The following MDN1 variants were observed in gnomAD, a reference collection of about 807,000 sequenced individuals.
MDN1 encodes the protein midasin.
Under a neutral mutation model 669.2 loss-of-function variants are expected in MDN1, and 266 were observed. The ratio of observed to expected loss-of-function variants is 0.40; its 90% confidence interval spans 0.36 to 0.44. The LOEUF (loss-of-function observed/expected upper bound fraction) is 0.44, where lower values mean the gene tolerates loss of function less well. Ranked by LOEUF, MDN1 falls within the 20% of genes least tolerant of loss-of-function variation. The pLI is 1.00. For missense variants in MDN1, 5,940 were observed against 6,754.0 expected (o/e 0.88, Z 4.22); for synonymous variants, 2,385 against 2,457.1 (o/e 0.97, Z 0.87).
Position 89,654,289 on chromosome 6 carries a change from T to C in MDN1, c.15536A>G (p.Lys5179Arg). 2 of 1,614,238 alleles carry C rather than the reference T, an allele frequency of 1.2e-6. No homozygotes were observed. Among genetic ancestry groups the C allele is most frequent in the Non-Finnish European group, 1.7e-6 (2 of 1,180,036 alleles). ...EQQQSAKDSG[K>R]DQEEEEIEDT... Reference sequence around the variant, plus strand: ...CTCTATCTCCTCCTCTTCCTGATCTTTGCCAGAGTCTTTTGCAGACTGTTG... The same window carrying C: ...CTCTATCTCCTCCTCTTCCTGATCTCTGCCAGAGTCTTTTGCAGACTGTTG... Residue 5179 changes from lysine (K) to arginine (R), a missense_variant, in exon 93 of 102, where the codon AAA becomes AGA. Physicochemically the swap from Lys to Arg is conservative, Grantham distance 26 (BLOSUM62 2). This residue lies in a region of MDN1 where 2,280 missense variants were observed against 2,576.3 expected (regional missense o/e 0.88). Coordinates refer to ENST00000369393, the MANE Select transcript of MDN1 (RefSeq NM_014611.3).
At chr6:89,807,579 T>C (rs1768100931) in intron 1 of MDN1, among the ~76,000 whole-genome samples, 1 of 152,226 alleles carries the variant, frequency 6.6e-6, no homozygotes, top group Admixed American at 6.5e-5. Context: ...GTTTATCAGA[T>C]TTAAGATTAT....
chr6:89,757,350 C>T (rs1343540386), intron 19 of MDN1, among the ~76,000 whole-genome samples: 3 of 152,104 alleles, frequency 2.0e-5, no homozygotes, highest in African/African-American at 7.2e-5. Flanking sequence ...CTAAAATATG[C>T]GTATACTGGT....
At chr6:89,770,749 C>T (rs984875556) in intron 15 of MDN1, among the ~76,000 whole-genome samples, 1 of 152,246 alleles carries the variant, frequency 6.6e-6, no homozygotes, top group East Asian at 1.9e-4. Context: ...GTGATTCACC[C>T]ATCTAGGCCT....
chr6:89,816,921 G>A lies in MDN1; in HGVS notation c.102+2585C>T, dbSNP rs1482590517. 2.6e-5 allele frequency among the ~76,000 whole-genome samples: 4 copies of A among 151,358 alleles called. No individual in the cohort carries two copies. The East Asian group carries it at 5.9e-4, about 22-fold the overall frequency. On this transcript the variant is annotated intron_variant, in intron 1 of 101. Transcript: ENST00000369393. Reference sequence around the variant, plus strand: ...GATCTCCTGAGCTTGTGATCCACCCGCCTCAGCCTCCCAAAGTGCTGGGAT... The same window carrying A: ...GATCTCCTGAGCTTGTGATCCACCCACCTCAGCCTCCCAAAGTGCTGGGAT...
chr6:89,803,284 C>T (rs879210057), intron 2 of MDN1, 44 bp downstream of exon 2: 2 of 1,545,998 alleles, frequency 1.3e-6, no homozygotes. Context: ...ACAGCAGGTT[C>T]TATCACCTCA....
intron 83 of MDN1, among the ~76,000 whole-genome samples, chr6:89,669,869 A>G (rs998745218): frequency 1.3e-5 from 2 of 151,812 alleles, no homozygotes; most frequent in Non-Finnish European, 2.9e-5. Flanking sequence ...GCTTTTCACA[A>G]TACCGGGTAC....
intron 38 of MDN1, among the ~76,000 whole-genome samples, chr6:89,724,179 T>C (rs925367185): frequency 6.6e-6 from 1 of 152,098 alleles, no homozygotes; most frequent in African/African-American, 2.4e-5. Flanking sequence ...TTATTAAAAA[T>C]TTCCTATGTA....
chr6:89,723,758 T>C (rs1815001767), intron 38 of MDN1, 139 bp from the exon 39 acceptor site: 1 of 489,568 alleles, frequency 2.0e-6, no homozygotes, highest in African/African-American at 2.0e-5. Flanking sequence ...GTTATAGAAA[T>C]TTCTTTTTTT....
At chr6:89,649,655 A>AT (rs201350197) in intron 97 of MDN1, among the ~76,000 whole-genome samples, 7,085 of 151,244 alleles carry the variant, frequency 0.047, 192 homozygotes, top group South Asian at 0.13. Context: ...GAAAACTTTG[A>AT]TTTTTTTTTT....
At position 89,718,486 on chromosome 6, in the gene MDN1, T is replaced by A. The variant is rs1221922996; in HGVS notation, c.6463A>T (p.Lys2155Ter). The change falls in exon 43 of 102, where the codon AAG (lysine) becomes TAG (stop). Residue 2155 changes from lysine (K) to a stop codon, truncating the protein, a stop_gained. Coordinates refer to ENST00000369393, the MANE Select transcript of MDN1 (RefSeq NM_014611.3). LOFTEE classifies it high-confidence loss of function. The stretch of plus-strand genomic sequence containing the variant: ...CCACCTTCTCCAAGACACTTAGGCT[T>A]ATATGTCAGAAGAAAATGACTCCAG... ...RAWSHFLLTY[K>*]PKCLGEGGKA... The A allele has an allele frequency of 6.2e-7, 1 of 1,614,026 alleles. No homozygotes were observed. Among genetic ancestry groups the A allele is most frequent in the Non-Finnish European group, 8.5e-7 (1 of 1,180,042 alleles).
intron 33 of MDN1, among the ~76,000 whole-genome samples, chr6:89,733,674 G>A (rs1158097344): frequency 6.9e-6 from 1 of 145,948 alleles, no homozygotes; most frequent in South Asian, 2.2e-4. Flanking sequence ...AAATGACAAA[G>A]CAAAGGGGAA....
chr6:89,791,751 G>A (rs982361986), intron 5 of MDN1, among the ~76,000 whole-genome samples: 3 of 152,052 alleles, frequency 2.0e-5, no homozygotes, highest in African/African-American at 7.2e-5. Context: ...GAGGGAGGAT[G>A]GCTTGAGGTT....
chr6:89,677,823 A>C, intron 75 of MDN1, 127 bp from the exon 76 acceptor site: 2 of 1,210,522 alleles, frequency 1.7e-6, no homozygotes, highest in Non-Finnish European at 2.3e-6. Context: ...AGAAATGCAG[A>C]CTCTCAGGCT....
At position 89,685,036 on chromosome 6, in the gene MDN1, C is replaced by T. The variant is rs778220037; in HGVS notation, c.11720-51G>A. 5.6e-6 allele frequency: 7 copies of T among 1,244,352 alleles called. No individual in the cohort carries two copies. In the South Asian group the frequency reaches 7.7e-5, roughly 14 times the overall value. The allele number at this position is 1,244,352 out of a possible 1,614,324, so 77.1% of individuals were successfully genotyped here. On this transcript the variant is annotated intron_variant, in intron 70 of 101. Coordinates refer to ENST00000369393, the MANE Select transcript of MDN1 (RefSeq NM_014611.3). ...AATACCACACTTGCTGCATGTGCTA[C>T]TGGTGCCAGCTGTGGCCTTCATATT...
chr6:89,760,431 T>C (rs961919934), intron 17 of MDN1, among the ~76,000 whole-genome samples: 2 of 152,150 alleles, frequency 1.3e-5, no homozygotes, highest in African/African-American at 4.8e-5. Context: ...CTGTCATCAA[T>C]TGCATCTTTA....
At chr6:89,722,015 C>T (rs897733604) in intron 40 of MDN1, among the ~76,000 whole-genome samples, 2 of 152,192 alleles carry the variant, frequency 1.3e-5, no homozygotes, top group Non-Finnish European at 2.9e-5. Flanking sequence ...AACTGGAAAG[C>T]TGGCTCTGCT....
chr6:89,811,158 C>G (rs1422293934), intron 1 of MDN1, among the ~76,000 whole-genome samples: 1 of 152,100 alleles, frequency 6.6e-6, no homozygotes, highest in Non-Finnish European at 1.5e-5. Flanking sequence ...TCCTAGTATT[C>G]TGCATGAATA....
chr6:89,731,140 C>T (rs1260052760), intron 34 of MDN1, among the ~76,000 whole-genome samples: 1 of 152,210 alleles, frequency 6.6e-6, no homozygotes, highest in East Asian at 1.9e-4. Context: ...TTCAGTAAAG[C>T]ACTCTAGTCA....
At chr6:89,743,346 G>A in intron 30 of MDN1, 66 bp from the exon 31 acceptor site, 1 of 1,590,970 alleles carries the variant, frequency 6.3e-7, no homozygotes. Context: ...ACATGCAGCT[G>A]GCTGGTGTTT....
Sources: gnomAD v4.1 joint callset for allele counts (sites outside exome capture counted in the v4.1 genomes callset) on GRCh38, gnomAD v4.1.1 for gene constraint, gnomAD v4.1.1 regional missense constraint, MANE v1.5 for transcripts, NCBI Gene and HGNC (gene_info 2026-07-23, HGNC 2026-07-21) for gene names.